PLS1: variants seen among roughly 807,000 people sequenced by gnomAD.
PLS1 encodes the protein plastin-1.
In PLS1, 32 loss-of-function variants were observed where a neutral mutation model predicts 73.7. That is an observed-to-expected ratio of 0.43 (90% confidence interval 0.33 to 0.58). The LOEUF (loss-of-function observed/expected upper bound fraction) is 0.58, where lower values mean the gene tolerates loss of function less well. PLS1 is among the 20% of genes least tolerant of loss of function. The pLI is 0.04. For missense variants in PLS1, 633 were observed against 740.5 expected (o/e 0.85, Z 1.68); for synonymous variants, 217 against 261.3 (o/e 0.83, Z 1.63).
At chr3:142,678,479 G>T (rs1240106615) in intron 6 of PLS1, among the ~76,000 whole-genome samples, 3 of 138,204 alleles carry the variant, frequency 2.2e-5, no homozygotes. Context: ...GTGTCCATGT[G>T]TTCTCATTGT....
chr3:142,618,075 A>G (rs2108556877), intron 1 of PLS1, among the ~76,000 whole-genome samples: 1 of 152,334 alleles, frequency 6.6e-6, no homozygotes, highest in East Asian at 1.9e-4. Flanking sequence ...GGGTTAAGAC[A>G]AAGGTATCCC....
chr3:142,659,087 C>G (rs1431765990), intron 1 of PLS1, among the ~76,000 whole-genome samples: 1 of 152,138 alleles, frequency 6.6e-6, no homozygotes, highest in Non-Finnish European at 1.5e-5. Context: ...TGAGCTCATG[C>G]ATGTGAGGAG....
chr3:142,667,819 A>C (rs1376262537), intron 2 of PLS1, among the ~76,000 whole-genome samples: 1 of 152,216 alleles, frequency 6.6e-6, no homozygotes, highest in African/African-American at 2.4e-5. Flanking sequence ...GAATTATGGG[A>C]AACAGTTCTG....
At chr3:142,635,226 G>A (rs2036651634) in intron 1 of PLS1, among the ~76,000 whole-genome samples, 1 of 151,486 alleles carries the variant, frequency 6.6e-6, no homozygotes, top group Admixed American at 6.6e-5. Flanking sequence ...GAGATAAAAT[G>A]GAATTATAAA....
chr3:142,638,832 C>T (rs113804032), intron 1 of PLS1, among the ~76,000 whole-genome samples: 4 of 152,032 alleles, frequency 2.6e-5, no homozygotes, highest in African/African-American at 9.7e-5. Context: ...ACCTCTGCCA[C>T]CCCGGTTCAA....
intron 1 of PLS1, chr3:142,623,408 A>G (rs2036354257): frequency 6.6e-6 from 1 of 152,206 alleles, no homozygotes; most frequent in African/African-American, 2.4e-5. Context: ...ATCTGTAGTA[A>G]TAGGCAGAAC....
chr3:142,700,550 C>G (rs948220538), intron 12 of PLS1, among the ~76,000 whole-genome samples: 1 of 152,158 alleles, frequency 6.6e-6, no homozygotes, highest in Non-Finnish European at 1.5e-5. Context: ...GTCTTGTCTC[C>G]TGACCTCGTG....
At position 142,689,800 on chromosome 3, in the gene PLS1, G is replaced by A; in HGVS notation, c.1164G>A (p.Met388Ile). Reference sequence around the variant, plus strand: ...AGCCGAATAATAATGACATCGATATGAATTTACTGGAAGGTGCGTTCTTTC... The same window carrying A: ...AGCCGAATAATAATGACATCGATATAAATTTACTGGAAGGTGCGTTCTTTC... Reference protein sequence around the residue: ...LHKPNNNDIDMNLLEGESKEE... With the variant: ...LHKPNNNDIDINLLEGESKEE... Residue 388 changes from methionine (M) to isoleucine (I), a missense_variant, in exon 10 of 16, where the codon ATG becomes ATA. Physicochemically the swap from Met to Ile is conservative, Grantham distance 10. Transcript: ENST00000457734. 1 of 1,582,044 alleles carries A rather than the reference G, an allele frequency of 6.3e-7. No homozygotes were observed. Among genetic ancestry groups the A allele is most frequent in the Non-Finnish European group, 8.6e-7 (1 of 1,163,488 alleles).
chr3:142,673,026 C>T (rs978144596), intron 4 of PLS1, among the ~76,000 whole-genome samples: 10 of 152,202 alleles, frequency 6.6e-5, no homozygotes, highest in African/African-American at 2.4e-4. Flanking sequence ...ACTGTAGTGG[C>T]CTTTCATTTG....
At chr3:142,693,080 G>T (rs1262287776) in intron 10 of PLS1, among the ~76,000 whole-genome samples, 2 of 152,126 alleles carry the variant, frequency 1.3e-5, no homozygotes, top group South Asian at 4.1e-4. Context: ...TTATAAAGTG[G>T]TGGTAGCAGA....
chr3:142,656,788 G>C (rs1445644282), intron 1 of PLS1: 1 of 152,084 alleles, frequency 6.6e-6, no homozygotes, highest in Non-Finnish European at 1.5e-5. Flanking sequence ...AAAGGGAAGG[G>C]CTGTGGTGAG....
chr3:142,621,866 A>G (rs1193239987), intron 1 of PLS1, among the ~76,000 whole-genome samples: 2 of 152,234 alleles, frequency 1.3e-5, no homozygotes, highest in Non-Finnish European at 2.9e-5. Context: ...GCAGAACTCC[A>G]TGCAACAGCA....
chr3:142,608,266 G>T (rs76010353), intron 1 of PLS1, among the ~76,000 whole-genome samples: 1 of 152,168 alleles, frequency 6.6e-6, no homozygotes, highest in Non-Finnish European at 1.5e-5. Context: ...GATCAAATTC[G>T]GTAGTGGAGT....
At chr3:142,663,605 G>A (rs566974459) in intron 1 of PLS1, among the ~76,000 whole-genome samples, 1 of 152,250 alleles carries the variant, frequency 6.6e-6, no homozygotes, top group East Asian at 1.9e-4. Context: ...AGGCTGAGGT[G>A]GGAGGATCAC....
At chr3:142,705,355 GA>G (rs939959302) in intron 14 of PLS1, among the ~76,000 whole-genome samples, 4 of 149,904 alleles carry the variant, frequency 2.7e-5, no homozygotes, top group Non-Finnish European at 3.0e-5. Context: ...AAACTGGTAG[GA>G]AAAAAAAAAT....
chr3:142,699,110 G>C (rs1445676724), intron 12 of PLS1, among the ~76,000 whole-genome samples: 1 of 152,126 alleles, frequency 6.6e-6, no homozygotes, highest in Non-Finnish European at 1.5e-5. Context: ...AGGGGTTGGG[G>C]GGCAAGGGGA....
intron 4 of PLS1, among the ~76,000 whole-genome samples, chr3:142,672,808 A>G (rs2037633778): frequency 6.6e-6 from 1 of 152,210 alleles, no homozygotes; most frequent in Admixed American, 6.5e-5. Flanking sequence ...TTTTTAAAGT[A>G]TACAGTTCAG....
chr3:142,631,345 TTCTA>T (rs1223536343), intron 1 of PLS1, among the ~76,000 whole-genome samples: 2 of 151,666 alleles, frequency 1.3e-5, no homozygotes, highest in Non-Finnish European at 2.9e-5. Flanking sequence ...GAAACCCCGT[TTCTA>T]CTAAAAATAC....
chr3:142,616,260 A>C (rs1167323891), intron 1 of PLS1, among the ~76,000 whole-genome samples: 1 of 152,212 alleles, frequency 6.6e-6, no homozygotes, highest in Non-Finnish European at 1.5e-5. Context: ...AGCAAACATG[A>C]AGACTTTCTT....
Sources: gnomAD v4.1 joint callset for allele counts (sites outside exome capture counted in the v4.1 genomes callset) on GRCh38, gnomAD v4.1.1 for gene constraint, MANE v1.5 for transcripts, NCBI Gene and HGNC (gene_info 2026-07-23, HGNC 2026-07-21) for gene names.